Variants in VPS50 observed in about 807,000 individuals in gnomAD.
The protein encoded by VPS50 is syndetin.
A neutral mutation model predicts 139.7 loss-of-function variants in VPS50; 70 were observed. That is an observed-to-expected ratio of 0.50 (90% CI 0.41 to 0.61). The LOEUF (loss-of-function observed/expected upper bound fraction) is 0.61. Among genes scored for constraint, VPS50 ranks in the 20% least tolerant of loss-of-function variants. The probability of loss-of-function intolerance (pLI) is 0.00; values close to 1 mark genes in which losing one functional copy is unlikely to be tolerated. For missense variants in VPS50, 921 were observed against 1,133.7 expected, an observed-to-expected ratio of 0.81 and a Z score of 2.69; for synonymous variants, 365 against 376.7, an observed-to-expected ratio of 0.97 and a Z score of 0.36.
At chr7:93,252,816 G>A in intron 3 of VPS50, 41 bp downstream of exon 3, 1 of 1,504,490 alleles carries the variant, frequency 6.6e-7, no homozygotes, top group Non-Finnish European at 9.0e-7. Context: ...GGCCTGTTTT[G>A]TTCAGTGATT....
At chr7:93,248,433 G>T (rs991827089) in intron 2 of VPS50, among the ~76,000 whole-genome samples, 8 of 151,998 alleles carry the variant, frequency 5.3e-5, no homozygotes, top group African/African-American at 1.9e-4. Flanking sequence ...ATTGTGTTAA[G>T]AATAGGCAAT....
At chr7:93,294,477 A>G in intron 13 of VPS50, 68 bp from the exon 14 acceptor site, 2 of 1,348,108 alleles carry the variant, frequency 1.5e-6, no homozygotes, top group Non-Finnish European at 1.0e-6. Context: ...GAGGCCAAAT[A>G]GAAATTATTT....
intron 2 of VPS50, among the ~76,000 whole-genome samples, chr7:93,252,078 A>G (rs982285462): frequency 2.0e-5 from 3 of 152,230 alleles, no homozygotes; most frequent in African/African-American, 4.8e-5. Context: ...GTTTAGCTTC[A>G]TAATCAGATC....
At chr7:93,244,693 A>AAG (rs1795098463) in intron 2 of VPS50, among the ~76,000 whole-genome samples, 1 of 151,876 alleles carries the variant, frequency 6.6e-6, no homozygotes, top group Admixed American at 6.6e-5. Context: ...ATTAGTATTG[A>AAG]GGTTTATGAC....
chr7:93,259,811 A>T (rs970440698), intron 9 of VPS50, among the ~76,000 whole-genome samples, 179 bp downstream of exon 9: 3 of 152,314 alleles, frequency 2.0e-5, no homozygotes, highest in East Asian at 1.9e-4. Context: ...GGTGTGAAAG[A>T]TCAGATACTT....
rs765210664 is a variant in VPS50 at position 93,276,214 on chromosome 7, C to G, written c.851C>G (p.Thr284Ser). The change falls in exon 12 of 28, where the codon ACC becomes AGC. Residue 284 changes from threonine to serine, a missense_variant. Around this residue, in one of 3 missense-constraint regions of VPS50, gnomAD observed 744 missense variants for 930.6 expected, o/e 0.80. Transcript: ENST00000305866. The part of the protein sequence containing the change: ...HMHFTQAIHN[T>S]VFQVVLGYVE... ...CACTTCACCCAAGCCATTCACAACA[C>G]CGTGTTTCAAGTTGTTCTTGGTTAT... 4 of 1,613,498 alleles carry G rather than the reference C, an allele frequency of 2.5e-6. No individual in the cohort carries two copies. Among genetic ancestry groups the G allele is most frequent in the Non-Finnish European group, 3.4e-6 (4 of 1,179,620 alleles).
intron 16 of VPS50, among the ~76,000 whole-genome samples, chr7:93,297,924 T>G (rs1337370414): frequency 6.6e-6 from 1 of 152,192 alleles, no homozygotes; most frequent in East Asian, 1.9e-4. Flanking sequence ...GAGTTTCATC[T>G]TACTTTTTAT....
rs757732982 is a variant in VPS50, at chr7:93,353,624, C to G, written c.2464-16C>G. On this transcript the variant is annotated splice_polypyrimidine_tract_variant and intron_variant, in intron 25 of 27. Coordinates refer to ENST00000305866, the MANE Select transcript of VPS50 (RefSeq NM_017667.4). ...TTTAATGATATTCACAAACAGCTAC[C>G]TATTTGTCTTCTTAGGAATTTGAGC... 3.1e-6 allele frequency: 5 copies of G among 1,604,220 alleles called. No individual in the cohort carries two copies. The Admixed American group carries it at 6.9e-5, about 22-fold the overall frequency.
At chr7:93,316,231 G>A (rs940084790) in intron 20 of VPS50, among the ~76,000 whole-genome samples, 5 of 152,272 alleles carry the variant, frequency 3.3e-5, no homozygotes, top group Admixed American at 6.5e-5. Context: ...GGGGCCTGGA[G>A]GCAGAAGCAG....
intron 6 of VPS50, 132 bp downstream of exon 6, chr7:93,257,596 A>G (rs956821081): frequency 1.9e-5 from 11 of 570,716 alleles, no homozygotes; most frequent in Non-Finnish European, 3.0e-5. Context: ...AAGTGAACAT[A>G]TATCATGATC....
chr7:93,344,836 G>C (rs540680704), intron 23 of VPS50, among the ~76,000 whole-genome samples: 1 of 152,146 alleles, frequency 6.6e-6, no homozygotes, highest in Admixed American at 6.5e-5. Context: ...GCAGTGTGTA[G>C]AGGGAAATTT....
At chr7:93,260,628 C>T (rs1795636939) in intron 9 of VPS50, among the ~76,000 whole-genome samples, 2 of 147,244 alleles carry the variant, frequency 1.4e-5, no homozygotes, top group South Asian at 2.1e-4. Context: ...GTTTAAGTCT[C>T]TATGGTTTTT....
chr7:93,339,892 T>TG (rs557437046), intron 22 of VPS50, among the ~76,000 whole-genome samples: 12 of 152,212 alleles, frequency 7.9e-5, no homozygotes, highest in Admixed American at 3.3e-4. Flanking sequence ...TTATTCTATT[T>TG]TTTTTCTTTT....
chr7:93,286,178 C>T (rs568246459), intron 12 of VPS50, among the ~76,000 whole-genome samples: 8 of 152,070 alleles, frequency 5.3e-5, no homozygotes, highest in Middle Eastern at 3.4e-3. Context: ...AATTAAATTT[C>T]GATTTCTTAT....
At chr7:93,307,066 A>T (rs1172141998) in intron 18 of VPS50, among the ~76,000 whole-genome samples, 1 of 151,920 alleles carries the variant, frequency 6.6e-6, no homozygotes, top group Non-Finnish European at 1.5e-5. Context: ...ATTAAAACTT[A>T]GATAGCATTT....
chr7:93,355,509 A>C lies in VPS50; in HGVS notation c.2586-382A>C, dbSNP rs1209284830. On this transcript the variant is annotated intron_variant, in intron 26 of 27. Transcript: ENST00000305866. Reference sequence around the variant, plus strand: ...ATTGAATATTGAACAGTTTTATAAAACTAAGATTACTTTGAAGTATTCAAA... The same window carrying C: ...ATTGAATATTGAACAGTTTTATAAACCTAAGATTACTTTGAAGTATTCAAA... 2.0e-5 allele frequency among the ~76,000 whole-genome samples: 3 copies of C among 152,176 alleles called. No individual in the cohort carries two copies. In the East Asian group the frequency reaches 5.8e-4, roughly 29 times the overall value.
chr7:93,280,927 A>G (rs527366348), intron 12 of VPS50, among the ~76,000 whole-genome samples: 21 of 152,150 alleles, frequency 1.4e-4, no homozygotes, highest in African/African-American at 4.8e-4. Context: ...ATACATACAC[A>G]CTCATATATT....
At chr7:93,284,087 T>C (rs1324694221) in intron 12 of VPS50, among the ~76,000 whole-genome samples, 1 of 152,092 alleles carries the variant, frequency 6.6e-6, no homozygotes, top group African/African-American at 2.4e-5. Flanking sequence ...TGCTGGATGA[T>C]TTTTTTAGGG....
chr7:93,330,279 T>C (rs1797896920), intron 21 of VPS50, among the ~76,000 whole-genome samples: 1 of 151,956 alleles, frequency 6.6e-6, no homozygotes, highest in South Asian at 2.1e-4. Flanking sequence ...TCTAAAAATA[T>C]ATAATTACAA....
Sources: gnomAD v4.1 joint callset for allele counts (sites outside exome capture counted in the v4.1 genomes callset) on GRCh38, gnomAD v4.1.1 for gene constraint, gnomAD v4.1.1 regional missense constraint, MANE v1.5 for transcripts, NCBI Gene and HGNC (gene_info 2026-07-23, HGNC 2026-07-21) for gene names.